The following CNTNAP4 variants were observed in gnomAD, a reference collection of about 807,000 sequenced individuals.
CNTNAP4 encodes contactin-associated protein-like 4.
CNTNAP4 carries 98 observed loss-of-function variants against 148.4 expected under a neutral mutation model. That is an observed-to-expected ratio of 0.66 (90% CI 0.56 to 0.78). The LOEUF is 0.78. Among genes scored for constraint, CNTNAP4 ranks in the 30% least tolerant of loss-of-function variants. The pLI is 0.00. For missense variants in CNTNAP4, 1,935 were observed against 1,565.6 expected, an observed-to-expected ratio of 1.24 and a Z score of -3.98; for synonymous variants, 730 against 565.1, an observed-to-expected ratio of 1.29 and a Z score of -4.14.
At chr16:76,514,430 A>C (rs1429755074) in intron 15 of CNTNAP4, among the ~76,000 whole-genome samples, 2 of 152,258 alleles carry the variant, frequency 1.3e-5, no homozygotes. Flanking sequence ...AGTTTTGTGC[A>C]AAACTAGTAT....
chr16:76,464,646 A>G (rs1020104277), intron 9 of CNTNAP4, among the ~76,000 whole-genome samples: 1 of 152,090 alleles, frequency 6.6e-6, no homozygotes, highest in African/African-American at 2.4e-5. Flanking sequence ...GTTTCCAGTT[A>G]TTTTATCTGG....
At chr16:76,545,233 G>A (rs979840194) in intron 21 of CNTNAP4, among the ~76,000 whole-genome samples, 9 of 152,194 alleles carry the variant, frequency 5.9e-5, no homozygotes, top group South Asian at 2.1e-4. Context: ...TCTTCAGTGC[G>A]TAGCATGACT....
At chr16:76,482,762 A>C (rs2081882800) in intron 12 of CNTNAP4, among the ~76,000 whole-genome samples, 1 of 152,218 alleles carries the variant, frequency 6.6e-6, no homozygotes, top group South Asian at 2.1e-4. Flanking sequence ...TGTGCAGTAC[A>C]AATGCCCAGA....
At chr16:76,358,961 C>G (rs541816050) in intron 3 of CNTNAP4, among the ~76,000 whole-genome samples, 6 of 152,152 alleles carry the variant, frequency 3.9e-5, no homozygotes, top group Admixed American at 1.3e-4. Context: ...TCCATAGTTA[C>G]TCTGGTCCCA....
At chr16:76,544,364 C>T (rs564305794) in intron 21 of CNTNAP4, among the ~76,000 whole-genome samples, 1 of 152,148 alleles carries the variant, frequency 6.6e-6, no homozygotes, top group Non-Finnish European at 1.5e-5. Context: ...ATGTAGAAAA[C>T]ATTCTAGGGG....
chr16:76,392,243 C>G (rs925932395), intron 3 of CNTNAP4, among the ~76,000 whole-genome samples: 4 of 152,178 alleles, frequency 2.6e-5, no homozygotes, highest in African/African-American at 7.2e-5. Flanking sequence ...ATCTGCCTGC[C>G]TTGGCCTCCC....
intron 17 of CNTNAP4, among the ~76,000 whole-genome samples, chr16:76,523,303 C>T (rs1352670903): frequency 7.3e-6 from 1 of 136,154 alleles, no homozygotes; most frequent in Admixed American, 8.6e-5. Flanking sequence ...GAAAACAAAA[C>T]AGATACCCAG....
chr16:76,351,743 T>C (rs534649904), intron 2 of CNTNAP4, among the ~76,000 whole-genome samples: 2 of 152,190 alleles, frequency 1.3e-5, no homozygotes, highest in Non-Finnish European at 2.9e-5. Context: ...AGTTGGCTGG[T>C]GCAGCTGTAA....
At chr16:76,341,682 A>G (rs1200662200) in intron 2 of CNTNAP4, among the ~76,000 whole-genome samples, 2 of 152,190 alleles carry the variant, frequency 1.3e-5, no homozygotes, top group African/African-American at 4.8e-5. Flanking sequence ...AGGATTTGGG[A>G]TATGGCTTTC....
chr16:76,489,215 A>C (rs2082126081), intron 12 of CNTNAP4, among the ~76,000 whole-genome samples: 1 of 152,176 alleles, frequency 6.6e-6, no homozygotes. Flanking sequence ...TATTTCTTGA[A>C]TTCTAATATA....
At chr16:76,461,924 A>T (rs2080979291) in intron 8 of CNTNAP4, 32 bp from the exon 9 acceptor site, 4 of 1,607,674 alleles carry the variant, frequency 2.5e-6, no homozygotes, top group Non-Finnish European at 3.4e-6. Flanking sequence ...TTCACTATTG[A>T]GAGCGATCTC....
At position 76,548,004 on chromosome 16, in the gene CNTNAP4, G is replaced by C. The variant is rs565511153; in HGVS notation, c.3443-5279G>C. Among the ~76,000 whole-genome samples the C allele has an allele frequency of 4.1e-4, 62 of 152,332 alleles. 1 individual carries two copies. The South Asian group carries it at 0.012, about 30-fold the overall frequency. On this transcript the variant is annotated intron_variant, in intron 21 of 23. Coordinates refer to ENST00000611870, the MANE Select transcript of CNTNAP4 (RefSeq NM_033401.5). ...TCTTGTAAAATGACACTTAAAATGA[G>C]ACAGGTTATGCTGAAAGCAAAAGGG...
At chr16:76,423,520 A>T (rs1174188518) in intron 3 of CNTNAP4, among the ~76,000 whole-genome samples, 1 of 152,238 alleles carries the variant, frequency 6.6e-6, no homozygotes, top group Non-Finnish European at 1.5e-5. Context: ...AGATAAAGAG[A>T]TACTTAAATC....
intron 1 of CNTNAP4, among the ~76,000 whole-genome samples, chr16:76,301,092 C>G (rs750090765): frequency 1.2e-4 from 18 of 152,012 alleles, no homozygotes; most frequent in African/African-American, 2.7e-4. Flanking sequence ...AAAACTATAC[C>G]ATAGTCTTCA....
chr16:76,487,246 G>A (rs1054417366), intron 12 of CNTNAP4, among the ~76,000 whole-genome samples: 1 of 152,180 alleles, frequency 6.6e-6, no homozygotes, highest in African/African-American at 2.4e-5. Flanking sequence ...TAGACAATGT[G>A]TTGTTTTTAT....
At chr16:76,481,191 T>C (rs2081814491) in intron 12 of CNTNAP4, among the ~76,000 whole-genome samples, 1 of 152,206 alleles carries the variant, frequency 6.6e-6, no homozygotes, top group Admixed American at 6.5e-5. Flanking sequence ...TGTACTTAAA[T>C]GTCAGTAAAA....
intron 3 of CNTNAP4, among the ~76,000 whole-genome samples, chr16:76,423,053 G>T (rs2079246491): frequency 6.6e-6 from 1 of 152,110 alleles, no homozygotes; most frequent in Non-Finnish European, 1.5e-5. Context: ...CACGATGTGA[G>T]ACTACAGCTA....
At chr16:76,435,303 A>G (rs1426653311) in intron 4 of CNTNAP4, among the ~76,000 whole-genome samples, 1 of 152,124 alleles carries the variant, frequency 6.6e-6, no homozygotes, top group East Asian at 1.9e-4. Context: ...GCTTCCTATC[A>G]GTTTTACTTC....
intron 2 of CNTNAP4, among the ~76,000 whole-genome samples, chr16:76,345,917 A>C (rs1159337252): frequency 6.6e-6 from 1 of 152,192 alleles, no homozygotes; most frequent in Admixed American, 6.5e-5. Context: ...CATCACATAC[A>C]TCACTAATAA....
Sources: allele counts gnomAD v4.1 joint callset (sites outside exome capture counted in the v4.1 genomes callset), GRCh38; gene constraint gnomAD v4.1.1; transcripts MANE v1.5; gene names NCBI Gene and HGNC (gene_info 2026-07-23, HGNC 2026-07-21).